TULP1: variants seen among roughly 807,000 people sequenced by gnomAD.
TULP1 encodes the protein tubby-related protein 1.
Under a neutral mutation model 67.1 loss-of-function variants are expected in TULP1, and 50 were observed. The ratio of observed to expected loss-of-function variants is 0.75; its 90% CI spans 0.59 to 0.94. The LOEUF (loss-of-function observed/expected upper bound fraction) is 0.94. TULP1 is among the 40% of genes least tolerant of loss of function. The probability of loss-of-function intolerance (pLI) is 0.00; values close to 1 mark genes in which losing one functional copy is unlikely to be tolerated. For synonymous variants in TULP1, 297 were observed against 294.0 expected, an observed-to-expected ratio of 1.01 and a Z score of -0.11; for missense variants, 746 against 734.1, an observed-to-expected ratio of 1.02 and a Z score of -0.19.
At chr6:35,499,898 T>A in intron 14 of TULP1, 83 bp downstream of exon 14, 4 of 1,488,548 alleles carry the variant, frequency 2.7e-6, no homozygotes, top group Middle Eastern at 1.7e-4. Flanking sequence ...TGTGTGTGTG[T>A]GAGGGGGTGA....
At position 35,512,183 on chromosome 6, in the gene TULP1, C is replaced by T. The variant is rs757725696; in HGVS notation, c.187G>A (p.Gly63Arg). 8 of 1,350,182 alleles carry T rather than the reference C, an allele frequency of 5.9e-6. No homozygotes were observed. Among genetic ancestry groups the T allele is most frequent in the South Asian group, 2.2e-5 (1 of 44,594 alleles). The allele number at this position is 1,350,182 out of a possible 1,614,324, so 83.6% of individuals were successfully genotyped here. A position where few individuals can be genotyped will look rare whatever the true frequency, so the allele number is the denominator to read the frequency against. Reference sequence around the variant, plus strand: ...CCGGGCTCTGCACCCCGCCCACCTCCGGGCTTCCGGGGCTTGGATCCCGTG... The same window carrying T: ...CCGGGCTCTGCACCCCGCCCACCTCTGGGCTTCCGGGGCTTGGATCCCGTG... Reference protein sequence around the residue: ...CPTGSKPRKPGAGRTGRPREE... With the variant: ...CPTGSKPRKPRAGRTGRPREE... The change falls in exon 3 of 15, where the codon GGA (glycine) becomes AGA (arginine). Residue 63 changes from glycine (G) to arginine (R), a missense_variant. This residue lies in a region of TULP1 where 359 missense variants were observed against 341.9 expected (regional missense o/e 1.05). Transcript: ENST00000229771.
chr6:35,508,573 C>T (rs760986834), intron 8 of TULP1, among the ~76,000 whole-genome samples: 1 of 152,198 alleles, frequency 6.6e-6, no homozygotes, highest in African/African-American at 2.4e-5. Flanking sequence ...TCAGTTGGAC[C>T]TCCCTCTCCT....
At position 35,503,436 on chromosome 6, in the gene TULP1, G is replaced by A. The variant is rs1334635515; in HGVS notation, c.1323+123C>T. ...AAAAGCCCAAGTCCATTCCCTAGGT[G>A]GCCAGAATGAATTTGTGTTGGAGGG... On this transcript the variant is annotated intron_variant, in intron 13 of 14. Transcript: ENST00000229771. The surrounding 1 kb of genome is among the most constrained non-coding windows in gnomAD (Gnocchi z 4.0). 4 of 998,452 alleles carry A rather than the reference G, an allele frequency of 4.0e-6. No homozygotes were observed. Among genetic ancestry groups the A allele is most frequent in the South Asian group, 2.8e-5 (2 of 71,202 alleles). 61.8% of individuals were successfully genotyped at this position (998,452 alleles called of 1,614,324 possible). A position where few individuals can be genotyped will look rare whatever the true frequency, so the allele number is the denominator to read the frequency against.
At chr6:35,499,395 C>A (rs1561811971) in intron 14 of TULP1, among the ~76,000 whole-genome samples, 1 of 152,338 alleles carries the variant, frequency 6.6e-6, no homozygotes, top group East Asian at 1.9e-4. Flanking sequence ...TGACCGTGGG[C>A]AAGTTGCTTA....
chr6:35,510,711 G>T (rs1161043499), intron 5 of TULP1, 150 bp downstream of exon 5: 5 of 1,562,556 alleles, frequency 3.2e-6, no homozygotes, highest in Admixed American at 1.8e-5. Context: ...GGACCATCGT[G>T]GGGAGAAATT....
rs1481124515 is a variant in TULP1 at position 35,512,792 on chromosome 6, G to T, written c.47+20C>A. 1.5e-6 allele frequency: 2 copies of T among 1,377,156 alleles called. No individual in the cohort carries two copies. Among genetic ancestry groups the T allele is most frequent in the African/African-American group, 3.0e-5 (2 of 67,672 alleles). 85.3% of individuals were successfully genotyped at this position (1,377,156 alleles called of 1,614,324 possible). A position where few individuals can be genotyped will look rare whatever the true frequency, so the allele number is the denominator to read the frequency against. ...AGGCCCCCCAGGGTTCAGGTGCCAC[G>T]AACTGGGGGCCTTCCAGACCTGTCA... On this transcript the variant is annotated intron_variant, in intron 1 of 14. Coordinates refer to ENST00000229771, the MANE Select transcript of TULP1 (RefSeq NM_003322.6).
At chr6:35,506,605 C>T (rs755312220) in intron 8 of TULP1, among the ~76,000 whole-genome samples, 7 of 152,218 alleles carry the variant, frequency 4.6e-5, no homozygotes, top group African/African-American at 1.4e-4. Context: ...ATTTAACACA[C>T]GCTTGCATAA....
At position 35,503,536 on chromosome 6, in the gene TULP1, G is replaced by A; in HGVS notation, c.1323+23C>T. On this transcript the variant is annotated intron_variant, in intron 13 of 14. Coordinates refer to ENST00000229771, the MANE Select transcript of TULP1 (RefSeq NM_003322.6). This position sits in a 1 kb window ranked among gnomAD's most constrained non-coding sequence, Gnocchi z 4.0. ...CCTGTTTCTCACATAGGGAGCCAGGGGCCAGGGAGGTGCGGGGCTCACATT... is the reference window on the plus strand; with the variant it reads ...CCTGTTTCTCACATAGGGAGCCAGGAGCCAGGGAGGTGCGGGGCTCACATT... 6.4e-7 allele frequency: 1 copy of A among 1,551,976 alleles called. No individual in the cohort carries two copies. Among genetic ancestry groups the A allele is most frequent in the Non-Finnish European group, 8.7e-7 (1 of 1,146,658 alleles).
intron 8 of TULP1, 98 bp from the exon 9 acceptor site, chr6:35,506,377 G>A (rs575527130): frequency 2.1e-6 from 3 of 1,462,428 alleles, no homozygotes; most frequent in Admixed American, 2.0e-5. Flanking sequence ...AGCCCGGCAC[G>A]GCCAAGTTAG....
rs751464190 is a variant in TULP1 at position 35,512,861 on chromosome 6, T to C, written c.-3A>G. The C allele has an allele frequency of 6.2e-7, 1 of 1,612,426 alleles. No individual in the cohort carries two copies. Among genetic ancestry groups the C allele is most frequent in the Admixed American group, 1.7e-5 (1 of 59,998 alleles). On this transcript the variant is annotated 5_prime_UTR_variant, in exon 1 of 15. Coordinates refer to ENST00000229771, the MANE Select transcript of TULP1 (RefSeq NM_003322.6). ...AGGGTTTCATCCCGCAGAGGCATGG[T>C]GCCTTTGCCTATCGCACCCCTTTCT...
chr6:35,505,541 C>T (rs72896709), intron 11 of TULP1, 200 bp downstream of exon 11: 120,183 of 1,469,738 alleles, frequency 0.082, 5,384 homozygotes, highest in Admixed American at 0.15. Context: ...TGTAGACTCC[C>T]GGGCCCACCC....
rs1346961738 is a variant in TULP1 at position 35,501,490 on chromosome 6, AGAGT to A, written c.1324-1342_1324-1339del. On this transcript the variant is annotated intron_variant, in intron 13 of 14. Transcript: ENST00000229771. The stretch of plus-strand genomic sequence containing the variant: ...TCTAGCCTGGGCTGGAGTGAGACCC[AGAGT>A]GAGACTCGGTCTCAGAAAAAAAAAA... 2.3e-5 allele frequency among the ~76,000 whole-genome samples: 3 copies of A among 132,154 alleles called. No homozygotes were observed. In the South Asian group the frequency reaches 8.2e-4, roughly 36 times the overall value. The allele number at this position is 132,154 out of a possible 152,430, so 86.7% of individuals were successfully genotyped here.
At chr6:35,512,512 A>T in intron 2 of TULP1, 127 bp downstream of exon 2, 2 of 1,226,654 alleles carry the variant, frequency 1.6e-6, no homozygotes, top group Non-Finnish European at 2.3e-6. Context: ...CTCCCCCCAG[A>T]TCTCCAGACA....
At position 35,498,600 on chromosome 6, in the gene TULP1, C is replaced by G; in HGVS notation, c.1496-140G>C. The G allele has an allele frequency of 7.7e-7, 1 of 1,291,616 alleles. No individual in the cohort carries two copies. Among genetic ancestry groups the G allele is most frequent in the Non-Finnish European group, 1.1e-6 (1 of 936,444 alleles). The allele number at this position is 1,291,616 out of a possible 1,614,324, so 80.0% of individuals were successfully genotyped here. ...CAGCCACCATCTCAGTTACTCAACACCCATCCCTTCTTCTATCTCACTCCA... is the reference window on the plus strand; with the variant it reads ...CAGCCACCATCTCAGTTACTCAACAGCCATCCCTTCTTCTATCTCACTCCA... On this transcript the variant is annotated intron_variant, in intron 14 of 14. Coordinates refer to ENST00000229771, the MANE Select transcript of TULP1 (RefSeq NM_003322.6). This position sits in a 1 kb window ranked among gnomAD's most constrained non-coding sequence, Gnocchi z 6.7.
chr6:35,510,983 T>C lies in TULP1; in HGVS notation c.377A>G (p.Glu126Gly). ...DEEEEEEEDE[E>G]DEEEEAEEKK... Reference sequence around the variant, plus strand: ...TTCCTCTGCCTCCTCTTCCTCGTCCTCCTCGTCCTCCTCTTCCTCCTCCTC... The same window carrying C: ...TTCCTCTGCCTCCTCTTCCTCGTCCCCCTCGTCCTCCTCTTCCTCCTCCTC... Residue 126 changes from glutamate (E) to glycine (G), a missense_variant, in exon 5 of 15, where the codon GAG (glutamate) becomes GGG (glycine). By Grantham distance (98) the Glu-to-Gly change is moderately conservative. This residue lies in a region of TULP1 where 359 missense variants were observed against 341.9 expected (regional missense o/e 1.05). Coordinates refer to ENST00000229771, the MANE Select transcript of TULP1 (RefSeq NM_003322.6). 6.2e-7 allele frequency: 1 copy of C among 1,600,892 alleles called. No homozygotes were observed. The highest frequency in any genetic ancestry group is 8.5e-7 in the Non-Finnish European group (1 of 1,173,698).
intron 8 of TULP1, 115 bp downstream of exon 8, chr6:35,509,094 A>G (rs1761139224): frequency 1.1e-6 from 1 of 892,172 alleles, no homozygotes; most frequent in African/African-American, 1.7e-5. Context: ...CAAGAGGGGG[A>G]GCCAAGGTTC....
In TULP1 at chr6:35,503,311, G is replaced by C. The variant is rs1032027649; in HGVS notation, c.1323+248C>G. On this transcript the variant is annotated intron_variant, in intron 13 of 14. Transcript: ENST00000229771. The surrounding 1 kb of genome is among the most constrained non-coding windows in gnomAD (Gnocchi z 4.0). ...GGATAATACTTGGCACTCAATATGT[G>C]TGGTCAATGAAGATATGAATGGATG... The C allele has an allele frequency of 5.8e-6, 3 of 519,174 alleles. No homozygotes were observed. Among genetic ancestry groups the C allele is most frequent in the Non-Finnish European group, 1.0e-5 (3 of 285,734 alleles). 32.2% of individuals were successfully genotyped at this position (519,174 alleles called of 1,614,324 possible).
In TULP1 at chr6:35,506,147, G is replaced by T. The variant is rs759133285; in HGVS notation, c.855C>A (p.Pro285=). 2.5e-6 allele frequency: 4 copies of T among 1,613,516 alleles called. 1 individual carries two copies. The highest frequency in any genetic ancestry group is 2.2e-5 in the South Asian group (2 of 91,060). ...ACTCCCGGGGTTCGTCCACCTCCAC[G>T]GGGGGAGACGGGGCCCTCTCCTCCT... is the stretch of plus-strand genomic sequence containing the variant. ...KAKEERAPSP[P]VEVDEPREFV... Residue 285 remains proline, a synonymous_variant, in exon 10 of 15, where the codon CCC becomes CCA. Transcript: ENST00000229771.
chr6:35,507,042 C>T (rs758628539), intron 8 of TULP1, among the ~76,000 whole-genome samples: 7 of 151,792 alleles, frequency 4.6e-5, no homozygotes, highest in African/African-American at 1.2e-4. Flanking sequence ...TAGTCTCCTC[C>T]CACTGCATAC....
Sources: allele counts gnomAD v4.1 joint callset (sites outside exome capture counted in the v4.1 genomes callset), GRCh38; gene constraint gnomAD v4.1.1; regional missense constraint gnomAD v4.1.1; non-coding constraint Gnocchi (gnomAD v3.1); transcripts MANE v1.5; gene names NCBI Gene and HGNC (gene_info 2026-07-23, HGNC 2026-07-21).